Variants in C8orf34 observed in about 807,000 individuals in gnomAD.
C8orf34 encodes the protein chromosome 8 open reading frame 34.
In C8orf34, 65 loss-of-function variants were observed where a neutral mutation model predicts 68.3. That is an observed-to-expected ratio of 0.95 (90% CI 0.78 to 1.17). The LOEUF is 1.17. C8orf34 is among the 50% of genes most tolerant of loss of function. The pLI, the probability that C8orf34 is intolerant of heterozygous loss-of-function variation, is 0.00. For synonymous variants in C8orf34, 244 were observed against 241.2 expected (o/e 1.01, Z -0.11); for missense variants, 664 against 655.4 (o/e 1.01, Z -0.14).
chr8:68,550,273 G>T (rs1816021554), intron 7 of C8orf34, among the ~76,000 whole-genome samples: 1 of 151,314 alleles, frequency 6.6e-6, no homozygotes, highest in Admixed American at 6.6e-5. Context: ...TTTTTTAGTG[G>T]TTGCTATGGA....
At chr8:68,743,993 C>T (rs1159520889) in intron 10 of C8orf34, among the ~76,000 whole-genome samples, 1 of 150,196 alleles carries the variant, frequency 6.7e-6, no homozygotes, top group Non-Finnish European at 1.5e-5. Context: ...TGTCTGACAG[C>T]TTTGAAGAGA....
intron 10 of C8orf34, among the ~76,000 whole-genome samples, chr8:68,740,039 C>T (rs1822236587): frequency 6.6e-6 from 1 of 152,176 alleles, no homozygotes; most frequent in Non-Finnish European, 1.5e-5. Flanking sequence ...GCTGGGATAA[C>T]TGGATAGCCA....
intron 6 of C8orf34, chr8:68,530,567 T>G: frequency 8.4e-7 from 1 of 1,195,884 alleles, no homozygotes; most frequent in African/African-American, 1.6e-5. Flanking sequence ...CAAGGAAGAC[T>G]TTAACATTGT....
chr8:68,717,298 C>T (rs909103736), intron 9 of C8orf34, among the ~76,000 whole-genome samples: 2 of 152,070 alleles, frequency 1.3e-5, no homozygotes, highest in Admixed American at 6.5e-5. Flanking sequence ...GTCTCCCACA[C>T]GGGCTAGCGG....
chr8:68,383,745 G>A (rs1808141922), intron 1 of C8orf34, among the ~76,000 whole-genome samples: 1 of 152,162 alleles, frequency 6.6e-6, no homozygotes, highest in Admixed American at 6.5e-5. Flanking sequence ...GACTTGTGCT[G>A]AGAATTGCTC....
intron 8 of C8orf34, among the ~76,000 whole-genome samples, chr8:68,669,954 C>A (rs1819956177): frequency 6.6e-6 from 1 of 152,130 alleles, no homozygotes; most frequent in Admixed American, 6.6e-5. Context: ...GGCTGAATAA[C>A]CTACTCACTC....
At chr8:68,675,537 T>G (rs2130857910) in intron 8 of C8orf34, among the ~76,000 whole-genome samples, 1 of 151,508 alleles carries the variant, frequency 6.6e-6, no homozygotes, top group African/African-American at 2.4e-5. Context: ...TGGTTCTAAG[T>G]TAGAATTTGC....
chr8:68,505,502 C>G (rs915190270), intron 5 of C8orf34, among the ~76,000 whole-genome samples: 1 of 94,840 alleles, frequency 1.1e-5, no homozygotes, highest in South Asian at 2.8e-4. Context: ...GAGGCCGAGG[C>G]GGGTGGATCA....
Position 68,404,656 on chromosome 8 carries a change from G to C in C8orf34, c.328-34843G>C, listed in dbSNP as rs185243847. Among the ~76,000 whole-genome samples, 112 of 152,198 alleles carry C rather than the reference G, an allele frequency of 7.4e-4. 1 individual carries two copies. The highest frequency in any genetic ancestry group is 2.3e-3 in the African/African-American group (96 of 41,526). Reference sequence around the variant, plus strand: ...AATCCTTTCCCCATTGCTTGTTTTTGTCAGGTTTGTCAAAGATCAGATTGT... The same window carrying C: ...AATCCTTTCCCCATTGCTTGTTTTTCTCAGGTTTGTCAAAGATCAGATTGT... On this transcript the variant is annotated intron_variant, in intron 1 of 13. Transcript: ENST00000518698.
At chr8:68,695,204 T>C (rs1820793609) in intron 8 of C8orf34, among the ~76,000 whole-genome samples, 1 of 151,454 alleles carries the variant, frequency 6.6e-6, no homozygotes, top group Non-Finnish European at 1.5e-5. Flanking sequence ...TGGAGTGCAA[T>C]GGCGTGATCT....
chr8:68,615,013 A>G lies in C8orf34; in HGVS notation c.1106-25363A>G, dbSNP rs895756151. Reference sequence around the variant, plus strand: ...TTGAAGAGGTCCTTCACATCCCTTGAAAGTTGGATTCCTAGGTATTTTATT... The same window carrying G: ...TTGAAGAGGTCCTTCACATCCCTTGGAAGTTGGATTCCTAGGTATTTTATT... On this transcript the variant is annotated intron_variant, in intron 7 of 13. Coordinates refer to ENST00000518698, the MANE Select transcript of C8orf34 (RefSeq NM_052958.4). Among the ~76,000 whole-genome samples, 17 of 142,986 alleles carry G rather than the reference A, an allele frequency of 1.2e-4. No homozygotes were observed. In the East Asian group the frequency reaches 3.4e-3, roughly 29 times the overall value. The allele number at this position is 142,986 out of a possible 152,430, so 93.8% of individuals were successfully genotyped here. A position where few individuals can be genotyped will look rare whatever the true frequency, so the allele number is the denominator to read the frequency against.
At chr8:68,441,170 T>G (rs1368751433) in intron 2 of C8orf34, among the ~76,000 whole-genome samples, 2 of 151,884 alleles carry the variant, frequency 1.3e-5, no homozygotes, top group African/African-American at 4.8e-5. Context: ...CTGTGCACGG[T>G]TTAGCTGAGT....
intron 12 of C8orf34, among the ~76,000 whole-genome samples, chr8:68,802,463 T>G (rs1824359890): frequency 6.6e-6 from 1 of 152,156 alleles, no homozygotes; most frequent in African/African-American, 2.4e-5. Flanking sequence ...TATAACTTAT[T>G]TAATCACTCT....
Position 68,755,042 on chromosome 8 carries a change from A to T in C8orf34, c.1405-21357A>T, listed in dbSNP as rs562021032. ...CTGAAAATTTTATAGCACAACTAGG[A>T]CACATTTTTTTGGTTGCTTATTCTG... is the stretch of plus-strand genomic sequence containing the variant. On this transcript the variant is annotated intron_variant, in intron 10 of 13. Transcript: ENST00000518698. Among the ~76,000 whole-genome samples the T allele has an allele frequency of 1.1e-4, 17 of 152,292 alleles. No individual in the cohort carries two copies. In the South Asian group the frequency reaches 3.5e-3, roughly 32 times the overall value.
chr8:68,612,915 C>T (rs1257849347), intron 7 of C8orf34, among the ~76,000 whole-genome samples: 2 of 152,002 alleles, frequency 1.3e-5, no homozygotes, highest in African/African-American at 4.8e-5. Flanking sequence ...GGTTAAAATT[C>T]CCATGCTTAG....
chr8:68,604,466 C>G (rs1817793843), intron 7 of C8orf34, among the ~76,000 whole-genome samples: 1 of 151,980 alleles, frequency 6.6e-6, no homozygotes, highest in African/African-American at 2.4e-5. Flanking sequence ...CAAACAAGTT[C>G]TAGATGAACA....
At chr8:68,549,712 A>T (rs1816001547) in intron 7 of C8orf34, among the ~76,000 whole-genome samples, 2 of 151,798 alleles carry the variant, frequency 1.3e-5, no homozygotes, top group Admixed American at 1.3e-4. Context: ...ATCTCTAATT[A>T]TAATAGTAGA....
chr8:68,609,222 G>A (rs1817942174), intron 7 of C8orf34, among the ~76,000 whole-genome samples: 1 of 152,032 alleles, frequency 6.6e-6, no homozygotes, highest in South Asian at 2.1e-4. Flanking sequence ...GGAAGTAAGA[G>A]AGAGGAGAGT....
At chr8:68,438,203 T>C (rs148806912) in intron 1 of C8orf34, 3 of 151,954 alleles carry the variant, frequency 2.0e-5, no homozygotes, top group African/African-American at 7.3e-5. Flanking sequence ...AAAACTGATA[T>C]CAAACTAAGA....
Sources: gnomAD v4.1 joint callset for allele counts (sites outside exome capture counted in the v4.1 genomes callset) on GRCh38, gnomAD v4.1.1 for gene constraint, MANE v1.5 for transcripts, NCBI Gene and HGNC (gene_info 2026-07-23, HGNC 2026-07-21) for gene names.